Variants in APP observed in about 807,000 individuals in gnomAD.
The protein encoded by APP is amyloid-beta precursor protein.
Under a neutral mutation model 101.4 loss-of-function variants are expected in APP, and 31 were observed. The observed-to-expected ratio is 0.31, with a 90% CI of 0.23 to 0.41. The LOEUF is 0.41. Ranked by LOEUF, APP falls within the 10% of genes least tolerant of loss-of-function variation. The pLI, the probability that APP is intolerant of heterozygous loss-of-function variation, is 1.00. For missense variants in APP, 839 were observed against 1,003.7 expected, an observed-to-expected ratio of 0.84 and a Z score of 2.22; for synonymous variants, 366 against 364.4, an observed-to-expected ratio of 1.00 and a Z score of -0.05.
intron 3 of APP, among the ~76,000 whole-genome samples, chr21:26,086,915 CTG>C: frequency 6.6e-6 from 1 of 152,284 alleles, no homozygotes; most frequent in Admixed American, 6.5e-5. Context: ...CATTTATTTG[CTG>C]TGAGTTATAG....
intron 4 of APP, among the ~76,000 whole-genome samples, chr21:26,051,765 T>C (rs908505572): frequency 6.6e-6 from 1 of 152,364 alleles, no homozygotes; most frequent in Non-Finnish European, 1.5e-5. Context: ...TTTGCTTTTC[T>C]GGGATTTGCT....
intron 14 of APP, among the ~76,000 whole-genome samples, chr21:25,909,868 T>C (rs1041969600): frequency 6.6e-6 from 1 of 152,214 alleles, no homozygotes; most frequent in Non-Finnish European, 1.5e-5. Context: ...TTCTTCTATG[T>C]GATTAAGAAT....
chr21:26,139,746 A>C (rs540435843), intron 1 of APP, among the ~76,000 whole-genome samples: 2 of 152,266 alleles, frequency 1.3e-5, no homozygotes, highest in South Asian at 4.1e-4. Flanking sequence ...TACAGAAATT[A>C]GCTGGACGTG....
chr21:26,112,234 T>C, intron 1 of APP, 88 bp from the exon 2 acceptor site: 1 of 1,400,252 alleles, frequency 7.1e-7, no homozygotes, highest in Non-Finnish European at 1.0e-6. Context: ...TCAAAAAGAG[T>C]TCTATTCTTG....
intron 11 of APP, among the ~76,000 whole-genome samples, chr21:25,974,023 G>A (rs1057129295): frequency 2.0e-5 from 3 of 150,100 alleles, no homozygotes; most frequent in Non-Finnish European, 2.9e-5. Context: ...TTCCAAGTAA[G>A]CTCTCCCACA....
chr21:25,904,882 A>C, intron 15 of APP, 142 bp downstream of exon 15: 1 of 743,772 alleles, frequency 1.3e-6, no homozygotes, highest in Non-Finnish European at 2.4e-6. Flanking sequence ...GGGAATTTTT[A>C]AAAGTTTGGT....
intron 5 of APP, among the ~76,000 whole-genome samples, chr21:26,038,093 T>C (rs1735211008): frequency 6.6e-6 from 1 of 152,182 alleles, no homozygotes; most frequent in Non-Finnish European, 1.5e-5. Context: ...CCCAAATCAA[T>C]TCTACCTTCA....
At chr21:25,929,934 C>A (rs2040069934) in intron 13 of APP, among the ~76,000 whole-genome samples, 2 of 152,024 alleles carry the variant, frequency 1.3e-5, no homozygotes, top group Non-Finnish European at 2.9e-5. Flanking sequence ...TAAGAGAGAG[C>A]AAGAAGAGAT....
Position 26,068,678 on chromosome 21 carries a change from T to C in APP, c.356-15330A>G, listed in dbSNP as rs369767203. 9.8e-5 allele frequency among the ~76,000 whole-genome samples: 15 copies of C among 152,332 alleles called. No individual in the cohort carries two copies. The East Asian group carries it at 2.5e-3, about 25-fold the overall frequency. ...GCCACTGAACTTGGCCCACTTTTCT[T>C]CTTTAAATTCAATCTTCTCCAGTTT... On this transcript the variant is annotated intron_variant, in intron 3 of 17. Transcript: ENST00000346798.
intron 5 of APP, among the ~76,000 whole-genome samples, chr21:26,044,555 T>C (rs988828230): frequency 2.6e-5 from 4 of 152,204 alleles, no homozygotes; most frequent in Admixed American, 2.6e-4. Context: ...TCTTTCTTTT[T>C]TGAGGTGGAG....
rs138950498 is a variant in APP, at chr21:25,936,497, C to T, written c.1687+18093G>A. ...GGTGGAGGTTGCAGTGAGCCAAGATCGTGCCATTGCACTCCAGCCTGGGCA... is the reference window on the plus strand; with the variant it reads ...GGTGGAGGTTGCAGTGAGCCAAGATTGTGCCATTGCACTCCAGCCTGGGCA... On this transcript the variant is annotated intron_variant, in intron 13 of 17. Transcript: ENST00000346798. 3.0e-3 allele frequency among the ~76,000 whole-genome samples: 464 copies of T among 152,308 alleles called. 6 individuals are homozygous for T. The highest frequency in any genetic ancestry group is 0.01 in the African/African-American group (419 of 41,568).
At chr21:26,145,976 C>T (rs536388781) in intron 1 of APP, among the ~76,000 whole-genome samples, 1 of 152,288 alleles carries the variant, frequency 6.6e-6, no homozygotes, top group African/African-American at 2.4e-5. Flanking sequence ...CATCTGTGCG[C>T]ATTTATACAA....
chr21:25,988,723 A>AG lies in APP; in HGVS notation c.1091-6247dup, dbSNP rs1481288058. 6.1e-4 allele frequency among the ~76,000 whole-genome samples: 90 copies of AG among 146,848 alleles called. 1 individual carries two copies. Among genetic ancestry groups the AG allele is most frequent in the African/African-American group, 2.1e-3 (79 of 38,316 alleles). On this transcript the variant is annotated intron_variant, in intron 8 of 17. Coordinates refer to ENST00000346798, the MANE Select transcript of APP (RefSeq NM_000484.4). ...GTCTCAAAAAAAAAAAAAAAAAAAA[A>AG]GGAGACAAAGATGAAGGTGGCTTGG... is the stretch of plus-strand genomic sequence containing the variant.
chr21:26,139,080 G>A (rs2062984768), intron 1 of APP, among the ~76,000 whole-genome samples: 1 of 152,086 alleles, frequency 6.6e-6, no homozygotes, highest in Non-Finnish European at 1.5e-5. Context: ...GTAGAAAGGG[G>A]TGATTAGTAT....
chr21:26,071,636 A>G (rs992430823), intron 3 of APP, among the ~76,000 whole-genome samples: 1 of 152,228 alleles, frequency 6.6e-6, no homozygotes, highest in Non-Finnish European at 1.5e-5. Context: ...CATGAAAGGA[A>G]AATTACAGTT....
chr21:26,065,439 AT>A (rs1373611137), intron 3 of APP, among the ~76,000 whole-genome samples: 2 of 152,240 alleles, frequency 1.3e-5, no homozygotes, highest in African/African-American at 2.4e-5. Context: ...TTAGAAAAAA[AT>A]ATAAGTAATG....
chr21:25,943,462 T>TTC (rs2040668011), intron 13 of APP, among the ~76,000 whole-genome samples: 1 of 148,134 alleles, frequency 6.8e-6, no homozygotes, highest in South Asian at 2.2e-4. Flanking sequence ...TTTTTTTTTT[T>TTC]TCTCTTTTGA....
intron 13 of APP, among the ~76,000 whole-genome samples, chr21:25,926,565 CCACT>C (rs1173331266): frequency 6.6e-6 from 1 of 152,092 alleles, no homozygotes; most frequent in East Asian, 1.9e-4. Context: ...ATCACTACTC[CCACT>C]GACAGTTGAA....
intron 14 of APP, among the ~76,000 whole-genome samples, chr21:25,908,890 C>T (rs937236587): frequency 2.0e-5 from 3 of 152,072 alleles, no homozygotes; most frequent in African/African-American, 7.2e-5. Context: ...AATTTAAACT[C>T]GGGTCTGTAT....
Sources: allele counts gnomAD v4.1 joint callset (sites outside exome capture counted in the v4.1 genomes callset), GRCh38; gene constraint gnomAD v4.1.1; transcripts MANE v1.5; gene names NCBI Gene and HGNC (gene_info 2026-07-23, HGNC 2026-07-21).